TXNL4A: variants seen among roughly 807,000 people sequenced by gnomAD.
TXNL4A encodes thioredoxin like 4A.
Under a neutral mutation model 14.6 loss-of-function variants are expected in TXNL4A, and 17 were observed. The ratio of observed to expected loss-of-function variants is 1.16; its 90% CI spans 0.80 to 1.74. The LOEUF is 1.74. Ranked by LOEUF, TXNL4A falls within the 40% of genes most tolerant of loss-of-function variation. The pLI, the probability that TXNL4A is intolerant of heterozygous loss-of-function variation, is 0.00. For synonymous variants in TXNL4A, 83 were observed against 70.6 expected (o/e 1.18, Z -0.88); for missense variants, 74 against 195.2 (o/e 0.38, Z 3.70).
chr18:80,033,295 A>C (rs142580461), intron 1 of TXNL4A, among the ~76,000 whole-genome samples: 3 of 9,270 alleles, frequency 3.2e-4, no homozygotes, highest in Non-Finnish European at 7.3e-4. Context: ...ACACGCGCCC[A>C]CACACACACA....
intron 1 of TXNL4A, 135 bp downstream of exon 1, chr18:79,988,105 G>A (rs1309340524): frequency 1.8e-6 from 2 of 1,102,360 alleles, no homozygotes; most frequent in African/African-American, 3.2e-5. Context: ...GCAGCGAGGG[G>A]AGGAATCGCC....
rs111773228 is a variant in TXNL4A at position 79,983,870 on chromosome 18, C to T, written c.153+4370G>A. Among the ~76,000 whole-genome samples the T allele has an allele frequency of 7.9e-4, 121 of 152,308 alleles. 1 individual carries two copies. The Middle Eastern group carries it at 0.014, about 17-fold the overall frequency. Reference sequence around the variant, plus strand: ...CCCTTTTTACAGGTAAGATGACCCACGGGGCCAAGTTCGTAACGCTCATGC... The same window carrying T: ...CCCTTTTTACAGGTAAGATGACCCATGGGGCCAAGTTCGTAACGCTCATGC... On this transcript the variant is annotated intron_variant, in intron 1 of 2. Transcript: ENST00000269601.
chr18:80,024,105 C>T (rs545016591), intron 1 of TXNL4A, among the ~76,000 whole-genome samples: 7 of 151,970 alleles, frequency 4.6e-5, no homozygotes, highest in East Asian at 3.9e-4. Context: ...GACAATTTGC[C>T]GAAGTCTGGG....
At chr18:79,986,702 G>C (rs898727315) in intron 1 of TXNL4A, 24 of 985,300 alleles carry the variant, frequency 2.4e-5, no homozygotes, top group Non-Finnish European at 2.9e-5. Flanking sequence ...TCCTAGCCTC[G>C]AGCTGCCGGC....
In TXNL4A at chr18:80,011,537, C is replaced by T. The variant is rs2051769589; in HGVS notation, c.-61+22314G>A. On this transcript the variant is annotated intron_variant, in intron 1 of 2. Transcript: ENST00000585474. The surrounding 1 kb of genome is among the most constrained non-coding windows in gnomAD (Gnocchi z 4.1). ...ATATTGTGGGAAAGAGTTTCTGGGG[C>T]GCCAGATGAGTTGGTCTCCCCTGTG... Among the ~76,000 whole-genome samples, 1 of 151,966 alleles carries T rather than the reference C, an allele frequency of 6.6e-6. No individual in the cohort carries two copies. Among genetic ancestry groups the T allele is most frequent in the Non-Finnish European group, 1.5e-5 (1 of 68,016 alleles).
chr18:79,977,353 A>C (rs1702899413), intron 2 of TXNL4A: 4 of 533,640 alleles, frequency 7.5e-6, no homozygotes, highest in Non-Finnish European at 1.3e-5. Flanking sequence ...ATTACACTTC[A>C]CCTAGGTTTC....
chr18:80,009,307 T>C (rs1458524740), intron 1 of TXNL4A, among the ~76,000 whole-genome samples: 1 of 152,210 alleles, frequency 6.6e-6, no homozygotes, highest in Non-Finnish European at 1.5e-5. Context: ...GCCTCAGTTA[T>C]TGCTCTGTTG....
At chr18:79,985,690 T>C (rs138406104) in intron 1 of TXNL4A, 4 of 152,354 alleles carry the variant, frequency 2.6e-5, no homozygotes, top group African/African-American at 9.6e-5. Flanking sequence ...AGCTCAACTC[T>C]AATCCAGCAT....
chr18:79,997,944 C>A (rs2051673451), intron 1 of TXNL4A, among the ~76,000 whole-genome samples: 1 of 152,100 alleles, frequency 6.6e-6, no homozygotes. Flanking sequence ...TTTCCCAATG[C>A]CTGTTACTAA....
At chr18:80,014,987 C>T (rs2051797215) in intron 1 of TXNL4A, among the ~76,000 whole-genome samples, 1 of 152,242 alleles carries the variant, frequency 6.6e-6, no homozygotes, top group African/African-American at 2.4e-5. Flanking sequence ...GAAGTCACAG[C>T]CCAAGCTGTA....
At chr18:80,006,230 G>A (rs1358453939) in intron 1 of TXNL4A, among the ~76,000 whole-genome samples, 1 of 151,624 alleles carries the variant, frequency 6.6e-6, no homozygotes, top group East Asian at 2.0e-4. Flanking sequence ...CTAAAAATAC[G>A]AAAATTAGCC....
At chr18:79,985,129 T>C (rs528240499) in intron 1 of TXNL4A, among the ~76,000 whole-genome samples, 1 of 151,064 alleles carries the variant, frequency 6.6e-6, no homozygotes, top group Admixed American at 6.6e-5. Context: ...ATGGTGTTCC[T>C]ACAAAATGGA....
chr18:79,978,640 C>T (rs561178088), intron 1 of TXNL4A, among the ~76,000 whole-genome samples: 1 of 151,582 alleles, frequency 6.6e-6, no homozygotes, highest in African/African-American at 2.4e-5. Context: ...ACTACAGGCA[C>T]GTACCATCAC....
chr18:80,000,572 A>C (rs1283364637), intron 1 of TXNL4A, among the ~76,000 whole-genome samples: 1 of 152,254 alleles, frequency 6.6e-6, no homozygotes, highest in East Asian at 1.9e-4. Context: ...GATGAGATAG[A>C]AAAGGAAAAC....
At chr18:80,025,495 T>A (rs1187914467) in intron 1 of TXNL4A, among the ~76,000 whole-genome samples, 1 of 152,178 alleles carries the variant, frequency 6.6e-6, no homozygotes, top group Non-Finnish European at 1.5e-5. Flanking sequence ...ACAGCCCCAA[T>A]GGCAGCGTCT....
intron 1 of TXNL4A, among the ~76,000 whole-genome samples, chr18:80,018,438 G>C (rs1373209993): frequency 6.6e-6 from 1 of 152,068 alleles, no homozygotes; most frequent in Non-Finnish European, 1.5e-5. Context: ...AGAAAAGCAA[G>C]AGCAAACACA....
In TXNL4A at chr18:79,973,599, T is replaced by C. The variant is rs2051332926; in HGVS notation, c.*86A>G. 1.3e-6 allele frequency: 2 copies of C among 1,501,912 alleles called. No homozygotes were observed. The allele number at this position is 1,501,912 out of a possible 1,614,324, so 93.0% of individuals were successfully genotyped here. On this transcript the variant is annotated 3_prime_UTR_variant, in exon 3 of 3. Coordinates refer to ENST00000269601, the MANE Select transcript of TXNL4A (RefSeq NM_006701.5). Reference sequence around the variant, plus strand: ...GAGGTGCTCCAGCCCTGGAGCTTCCTGTATTTTCCAAAGGCTTTAAATAGC... The same window carrying C: ...GAGGTGCTCCAGCCCTGGAGCTTCCCGTATTTTCCAAAGGCTTTAAATAGC...
intron 1 of TXNL4A, among the ~76,000 whole-genome samples, chr18:80,033,526 A>G (rs1217810044): frequency 6.6e-6 from 1 of 152,264 alleles, no homozygotes; most frequent in Non-Finnish European, 1.5e-5. Context: ...AAGGCGGCGC[A>G]GCAGCAAAGC....
chr18:80,022,902 C>A (rs558893478), intron 1 of TXNL4A, among the ~76,000 whole-genome samples: 12 of 152,244 alleles, frequency 7.9e-5, no homozygotes, highest in African/African-American at 2.9e-4. Flanking sequence ...TGTGCAAGAC[C>A]CTAGCTTTCC....
Sources: gnomAD v4.1 joint callset for allele counts (sites outside exome capture counted in the v4.1 genomes callset) on GRCh38, gnomAD v4.1.1 for gene constraint, Gnocchi (gnomAD v3.1) non-coding constraint, MANE v1.5 for transcripts, NCBI Gene and HGNC (gene_info 2026-07-23, HGNC 2026-07-21) for gene names.